CDH13: variants seen among roughly 807,000 people sequenced by gnomAD.
The protein encoded by CDH13 is cadherin-13.
Under a neutral mutation model 63.8 loss-of-function variants are expected in CDH13, and 24 were observed. That is an observed-to-expected ratio of 0.38 (90% CI 0.27 to 0.53). The LOEUF (loss-of-function observed/expected upper bound fraction) is 0.53, where lower values mean the gene tolerates loss of function less well. Among genes scored for constraint, CDH13 ranks in the 20% least tolerant of loss-of-function variants. The probability of loss-of-function intolerance (pLI) is 0.85; values close to 1 mark genes in which losing one functional copy is unlikely to be tolerated. For synonymous variants in CDH13, 503 were observed against 355.3 expected, an observed-to-expected ratio of 1.42 and a Z score of -4.67; for missense variants, 1,049 against 903.1, an observed-to-expected ratio of 1.16 and a Z score of -2.07.
intron 7 of CDH13, among the ~76,000 whole-genome samples, chr16:83,547,242 G>T (rs1446615086): frequency 6.6e-6 from 1 of 152,222 alleles, no homozygotes; most frequent in African/African-American, 2.4e-5. Context: ...ACAGCAGTGA[G>T]CCTGGACCCA....
At chr16:83,745,783 G>A (rs1322411292) in intron 10 of CDH13, among the ~76,000 whole-genome samples, 3 of 152,096 alleles carry the variant, frequency 2.0e-5, no homozygotes, top group African/African-American at 2.4e-5. Context: ...GCATCCCTCT[G>A]GCTTCCACCT....
chr16:82,964,221 G>T (rs1160278129), intron 2 of CDH13, among the ~76,000 whole-genome samples: 1 of 152,168 alleles, frequency 6.6e-6, no homozygotes, highest in African/African-American at 2.4e-5. Flanking sequence ...AGAGGCATAG[G>T]CTGATGTAAT....
chr16:83,151,383 C>T (rs1378647903), intron 4 of CDH13, among the ~76,000 whole-genome samples: 3 of 152,162 alleles, frequency 2.0e-5, no homozygotes, highest in Non-Finnish European at 2.9e-5. Flanking sequence ...CTCTTCCCAT[C>T]GTTTCCAACC....
chr16:83,339,012 A>G (rs2090664060), intron 5 of CDH13, among the ~76,000 whole-genome samples: 1 of 152,190 alleles, frequency 6.6e-6, no homozygotes, highest in Non-Finnish European at 1.5e-5. Flanking sequence ...TAGAAAACAG[A>G]TGGTGGCAGG....
chr16:83,320,383 CT>C (rs1298297221), intron 5 of CDH13, among the ~76,000 whole-genome samples: 1 of 152,148 alleles, frequency 6.6e-6, no homozygotes, highest in African/African-American at 2.4e-5. Context: ...AAGAACAGGA[CT>C]TATTGTCCCA....
chr16:83,591,632 C>A (rs1018280554), intron 7 of CDH13, among the ~76,000 whole-genome samples: 1 of 152,192 alleles, frequency 6.6e-6, no homozygotes, highest in African/African-American at 2.4e-5. Context: ...TCTCTGAATT[C>A]TCTCCCCTCA....
intron 1 of CDH13, among the ~76,000 whole-genome samples, chr16:82,845,830 C>G (rs181672049): frequency 7.7e-4 from 117 of 152,334 alleles, no homozygotes; most frequent in African/African-American, 2.6e-3. Context: ...CTGGTTTCTC[C>G]TAAGGGCCAG....
intron 4 of CDH13, among the ~76,000 whole-genome samples, chr16:83,143,019 G>T (rs1457677833): frequency 2.6e-5 from 4 of 152,156 alleles, no homozygotes; most frequent in Non-Finnish European, 4.4e-5. Context: ...CAGGAAAATC[G>T]CTTGAACCCG....
intron 1 of CDH13, among the ~76,000 whole-genome samples, chr16:82,692,071 A>T (rs1019322417): frequency 5.3e-5 from 8 of 152,230 alleles, no homozygotes; most frequent in African/African-American, 1.9e-4. Flanking sequence ...TGGACAATGA[A>T]TTATCTGTGG....
intron 3 of CDH13, among the ~76,000 whole-genome samples, chr16:83,121,014 G>A (rs918948748): frequency 6.6e-5 from 10 of 151,900 alleles, no homozygotes; most frequent in South Asian, 4.1e-4. Flanking sequence ...CTCCCGCCTC[G>A]GCCTCCCAAA....
chr16:83,546,580 A>G (rs750233528), intron 7 of CDH13, among the ~76,000 whole-genome samples: 69 of 152,188 alleles, frequency 4.5e-4, no homozygotes, highest in Non-Finnish European at 9.1e-4. Flanking sequence ...GCCATGATCG[A>G]TGAGGTCTGG....
intron 1 of CDH13, among the ~76,000 whole-genome samples, chr16:82,713,449 C>G (rs928247960): frequency 2.0e-5 from 3 of 152,110 alleles, no homozygotes; most frequent in Non-Finnish European, 4.4e-5. Context: ...CCCCTGAAAC[C>G]CTTTCCCTGC....
At position 83,599,103 on chromosome 16, in the gene CDH13, G is replaced by A. The variant is rs142838338; in HGVS notation, c.961-3351G>A. ...TGAGGGTGAGGAAGGGGTGATGCCC[G>A]AGGGAATTATAACATAGGTACCAGA... is the stretch of plus-strand genomic sequence containing the variant. On this transcript the variant is annotated intron_variant, in intron 7 of 13. Transcript: ENST00000567109. Among the ~76,000 whole-genome samples, 1,426 of 152,292 alleles carry A rather than the reference G, an allele frequency of 9.4e-3. 11 individuals are homozygous for A. The highest frequency in any genetic ancestry group is 0.017 in the Middle Eastern group (5 of 292).
intron 3 of CDH13, among the ~76,000 whole-genome samples, chr16:83,120,153 G>GT (rs1384959402): frequency 6.6e-6 from 1 of 152,010 alleles, no homozygotes; most frequent in African/African-American, 2.4e-5. Flanking sequence ...TCCAGGTACT[G>GT]TTTTTCCCGA....
chr16:83,702,024 C>G (rs1043233177), intron 10 of CDH13, among the ~76,000 whole-genome samples: 2 of 152,192 alleles, frequency 1.3e-5, no homozygotes, highest in Admixed American at 6.5e-5. Flanking sequence ...GCTAATCTAG[C>G]AAAGCTCTTA....
At chr16:83,237,191 GAGA>G (rs1391095967) in intron 5 of CDH13, among the ~76,000 whole-genome samples, 1 of 152,178 alleles carries the variant, frequency 6.6e-6, no homozygotes, top group Non-Finnish European at 1.5e-5. Context: ...AGGCCCTCAA[GAGA>G]AGGTCACCAA....
At chr16:82,837,183 G>A (rs889288536) in intron 1 of CDH13, among the ~76,000 whole-genome samples, 2 of 152,206 alleles carry the variant, frequency 1.3e-5, no homozygotes, top group Non-Finnish European at 2.9e-5. Context: ...TAGGCCACGT[G>A]GATTTTCCCT....
intron 4 of CDH13, among the ~76,000 whole-genome samples, chr16:83,130,028 A>G (rs962000695): frequency 2.0e-5 from 3 of 152,114 alleles, no homozygotes; most frequent in African/African-American, 7.2e-5. Context: ...ATTCAACCTA[A>G]TTCATATCAA....
At chr16:82,834,266 G>C (rs533949612) in intron 1 of CDH13, among the ~76,000 whole-genome samples, 4 of 152,172 alleles carry the variant, frequency 2.6e-5, no homozygotes, top group Non-Finnish European at 4.4e-5. Flanking sequence ...GCCTGCATTA[G>C]ATGGCTGAGC....
Sources: allele counts gnomAD v4.1 joint callset (sites outside exome capture counted in the v4.1 genomes callset), GRCh38; gene constraint gnomAD v4.1.1; transcripts MANE v1.5; gene names NCBI Gene and HGNC (gene_info 2026-07-23, HGNC 2026-07-21).